FSCN1: variants seen among roughly 807,000 people sequenced by gnomAD.
FSCN1 encodes the protein fascin.
In FSCN1, 10 loss-of-function variants were observed where a neutral mutation model predicts 39.7. That is an observed-to-expected ratio of 0.25 (90% CI 0.16 to 0.43). The LOEUF (loss-of-function observed/expected upper bound fraction) is 0.43. Among genes scored for constraint, FSCN1 ranks in the 20% least tolerant of loss-of-function variants. The pLI is 1.00. For synonymous variants in FSCN1, 322 were observed against 320.0 expected (o/e 1.01, Z -0.07); for missense variants, 525 against 723.8 (o/e 0.73, Z 3.15).
At position 5,603,599 on chromosome 7, in the gene FSCN1, G is replaced by A. The variant is rs1785874368; in HGVS notation, c.1093G>A (p.Ala365Thr). The A allele has an allele frequency of 1.2e-6, 2 of 1,614,130 alleles. No individual in the cohort carries two copies. Among genetic ancestry groups the A allele is most frequent in the Non-Finnish European group, 8.5e-7 (1 of 1,180,028 alleles). The change falls in exon 3 of 5, where the codon GCC becomes ACC. Residue 365 changes from alanine to threonine, a missense_variant. By Grantham distance (58) the Ala-to-Thr change is moderately conservative. Around this residue, in one of 3 missense-constraint regions of FSCN1, gnomAD observed 275 missense variants for 351.9 expected, o/e 0.78. Transcript: ENST00000382361. The surrounding 1 kb of genome is among the most constrained non-coding windows in gnomAD (Gnocchi z 8.5). ...VTSKKNGQLA[A>T]SVETAGDSEL... Reference sequence around the variant, plus strand: ...CTCCAAGAAGAATGGGCAGCTGGCCGCCTCGGTGGAGACAGCAGGTAACAC... The same window carrying A: ...CTCCAAGAAGAATGGGCAGCTGGCCACCTCGGTGGAGACAGCAGGTAACAC...
At chr7:5,597,142 G>A (rs1159711198) in intron 1 of FSCN1, among the ~76,000 whole-genome samples, 1 of 149,298 alleles carries the variant, frequency 6.7e-6, no homozygotes, top group Non-Finnish European at 1.5e-5. Flanking sequence ...GCCAAGGAGG[G>A]AAGATGGCTT....
At chr7:5,604,111 C>A in intron 4 of FSCN1, 81 bp downstream of exon 4, 1 of 1,336,658 alleles carries the variant, frequency 7.5e-7, no homozygotes, top group Non-Finnish European at 1.0e-6. Context: ...GCGCCCTCTG[C>A]ATCCACACTG....
chr7:5,595,264 A>G (rs1043678041), intron 1 of FSCN1, among the ~76,000 whole-genome samples: 1 of 152,170 alleles, frequency 6.6e-6, no homozygotes, highest in Non-Finnish European at 1.5e-5. Flanking sequence ...TTTGTGCCTG[A>G]AGTTTGCTAC....
intron 1 of FSCN1, among the ~76,000 whole-genome samples, chr7:5,595,688 A>G (rs1419930595): frequency 1.3e-5 from 2 of 152,124 alleles, no homozygotes; most frequent in African/African-American, 4.8e-5. Flanking sequence ...AGGTACAGAG[A>G]AAGCCCAGTG....
rs1393822294 is a variant in FSCN1 at position 5,603,181 on chromosome 7, G to A, written c.833-76G>A. The A allele has an allele frequency of 3.2e-6, 5 of 1,548,052 alleles. No individual in the cohort carries two copies. The East Asian group carries it at 9.0e-5, about 28-fold the overall frequency. On this transcript the variant is annotated intron_variant, in intron 1 of 4. Transcript: ENST00000382361. This position sits in a 1 kb window ranked among gnomAD's most constrained non-coding sequence, Gnocchi z 8.5. ...GGTGTTACCTTGCGTGTGTAGTTCT[G>A]TGAGCTCAGGGCTATGGTCTGCCAG...
At chr7:5,594,359 GGT>G (rs201171725) in intron 1 of FSCN1, among the ~76,000 whole-genome samples, 8,835 of 151,918 alleles carry the variant, frequency 0.058, 394 homozygotes, top group African/African-American at 0.12. Flanking sequence ...GGCCTCCGCT[GGT>G]GGGGGGGGGC....
chr7:5,598,332 G>A (rs1019244072), intron 1 of FSCN1, among the ~76,000 whole-genome samples: 1 of 152,246 alleles, frequency 6.6e-6, no homozygotes, highest in Non-Finnish European at 1.5e-5. Flanking sequence ...TACAGATGGC[G>A]GCAGTTGTGT....
chr7:5,596,414 T>C (rs55804712), intron 1 of FSCN1, among the ~76,000 whole-genome samples: 9,427 of 152,312 alleles, frequency 0.062, 299 homozygotes, highest in East Asian at 0.084. Flanking sequence ...CCAGGCCTCC[T>C]TGGGCTGGCC....
At position 5,603,249 on chromosome 7, in the gene FSCN1, C is replaced by T. The variant is rs747466348; in HGVS notation, c.833-8C>T. ...CCCCAGTACCAGCCCAAGGCCTCCTCTCTGCAGGTATGGACCTGTCTGCCA... is the reference window on the plus strand; with the variant it reads ...CCCCAGTACCAGCCCAAGGCCTCCTTTCTGCAGGTATGGACCTGTCTGCCA... On this transcript the variant is annotated splice_polypyrimidine_tract_variant and splice_region_variant and intron_variant, in intron 1 of 4. Transcript: ENST00000382361. This position sits in a 1 kb window ranked among gnomAD's most constrained non-coding sequence, Gnocchi z 8.5. 2.5e-6 allele frequency: 4 copies of T among 1,611,612 alleles called. No individual in the cohort carries two copies. Among genetic ancestry groups the T allele is most frequent in the Non-Finnish European group, 3.4e-6 (4 of 1,179,856 alleles).
At chr7:5,597,537 C>T (rs982471108) in intron 1 of FSCN1, among the ~76,000 whole-genome samples, 1 of 151,858 alleles carries the variant, frequency 6.6e-6, no homozygotes, top group African/African-American at 2.4e-5. Context: ...CGTGGTGGCG[C>T]ATGCCTGTAA....
intron 1 of FSCN1, among the ~76,000 whole-genome samples, chr7:5,596,446 C>T (rs1785731968): frequency 1.3e-5 from 2 of 152,240 alleles, no homozygotes; most frequent in African/African-American, 4.8e-5. Context: ...TGGGCAGGGG[C>T]TTTCAGCCCT....
intron 1 of FSCN1, among the ~76,000 whole-genome samples, chr7:5,598,889 C>T (rs1228549679): frequency 9.9e-5 from 15 of 152,234 alleles, no homozygotes; most frequent in African/African-American, 3.4e-4. Context: ...GCCCAGGGTG[C>T]GGCCCCTGCC....
Position 5,603,017 on chromosome 7 carries a change from T to C in FSCN1, c.833-240T>C, listed in dbSNP as rs536971403. On this transcript the variant is annotated intron_variant, in intron 1 of 4. Transcript: ENST00000382361. This position sits in a 1 kb window ranked among gnomAD's most constrained non-coding sequence, Gnocchi z 8.5. ...GAGCCCCTGTCCCTGGCCCCTATTA[T>C]TTCTCTAACTGGGGAAAGTCATGTG... The C allele has an allele frequency of 1.1e-5, 6 of 565,038 alleles. No individual in the cohort carries two copies. Among genetic ancestry groups the C allele is most frequent in the Admixed American group, 3.1e-5 (1 of 31,944 alleles). The allele number at this position is 565,038 out of a possible 1,614,324, so 35.0% of individuals were successfully genotyped here.
Position 5,603,159 on chromosome 7 carries a change from G to T in FSCN1, c.833-98G>T. On this transcript the variant is annotated intron_variant, in intron 1 of 4. Coordinates refer to ENST00000382361, the MANE Select transcript of FSCN1 (RefSeq NM_003088.4). This position sits in a 1 kb window ranked among gnomAD's most constrained non-coding sequence, Gnocchi z 8.5. Reference sequence around the variant, plus strand: ...TCGGCCGCCCACCCCACCCCGTGGTGTTACCTTGCGTGTGTAGTTCTGTGA... The same window carrying T: ...TCGGCCGCCCACCCCACCCCGTGGTTTTACCTTGCGTGTGTAGTTCTGTGA... 7.1e-6 allele frequency: 10 copies of T among 1,404,498 alleles called. No individual in the cohort carries two copies. Among genetic ancestry groups the T allele is most frequent in the Non-Finnish European group, 9.8e-6 (10 of 1,018,276 alleles). The allele number at this position is 1,404,498 out of a possible 1,614,324, so 87.0% of individuals were successfully genotyped here. A position where few individuals can be genotyped will look rare whatever the true frequency, so the allele number is the denominator to read the frequency against.
At chr7:5,600,676 CAG>C (rs1440576009) in intron 1 of FSCN1, among the ~76,000 whole-genome samples, 1 of 145,448 alleles carries the variant, frequency 6.9e-6, no homozygotes, top group Non-Finnish European at 1.5e-5. Context: ...TTTTTTGAGA[CAG>C]AGTCTCGCAT....
At chr7:5,598,579 G>C (rs1785771464) in intron 1 of FSCN1, among the ~76,000 whole-genome samples, 1 of 152,226 alleles carries the variant, frequency 6.6e-6, no homozygotes, top group African/African-American at 2.4e-5. Context: ...TATTTGCAAG[G>C]CTGTGTGAGG....
chr7:5,597,986 C>T lies in FSCN1; in HGVS notation c.832+4218C>T, dbSNP rs190399354. 2.0e-5 allele frequency among the ~76,000 whole-genome samples: 3 copies of T among 150,686 alleles called. No homozygotes were observed. In the East Asian group the frequency reaches 5.8e-4, roughly 29 times the overall value. ...AGAAAACACTGTTCCCATAGTAACA[C>T]AGCTCTAATTAGAGACTCCAAGGCC... On this transcript the variant is annotated intron_variant, in intron 1 of 4. Coordinates refer to ENST00000382361, the MANE Select transcript of FSCN1 (RefSeq NM_003088.4).
intron 1 of FSCN1, among the ~76,000 whole-genome samples, chr7:5,600,131 G>A (rs1421272311): frequency 6.6e-6 from 1 of 152,094 alleles, no homozygotes; most frequent in African/African-American, 2.4e-5. Flanking sequence ...GCAATTGTGG[G>A]CTGGGCGCAG....
chr7:5,595,950 G>C (rs535405338), intron 1 of FSCN1, among the ~76,000 whole-genome samples: 2 of 152,188 alleles, frequency 1.3e-5, no homozygotes, highest in South Asian at 4.2e-4. Flanking sequence ...AGGCTGATAG[G>C]GTGGGAGGAA....
Sources: gnomAD v4.1 joint callset for allele counts (sites outside exome capture counted in the v4.1 genomes callset) on GRCh38, gnomAD v4.1.1 for gene constraint, gnomAD v4.1.1 regional missense constraint, Gnocchi (gnomAD v3.1) non-coding constraint, MANE v1.5 for transcripts, NCBI Gene and HGNC (gene_info 2026-07-23, HGNC 2026-07-21) for gene names.